Variants in ZNF367 observed in about 807,000 individuals in gnomAD.
ZNF367 encodes the protein zinc finger protein 367.
ZNF367 carries 11 observed loss-of-function variants against 31.8 expected under a neutral mutation model. The observed-to-expected ratio is 0.35, with a 90% CI of 0.22 to 0.57. ZNF367 has a LOEUF of 0.57. Among genes scored for constraint, ZNF367 ranks in the 20% least tolerant of loss-of-function variants. ZNF367 has a pLI of 0.85. For synonymous variants in ZNF367, 199 were observed against 202.4 expected (o/e 0.98, Z 0.14); for missense variants, 353 against 484.1 (o/e 0.73, Z 2.54).
At chr9:96,413,984 T>G (rs1831784447) in intron 1 of ZNF367, among the ~76,000 whole-genome samples, 1 of 152,116 alleles carries the variant, frequency 6.6e-6, no homozygotes, top group African/African-American at 2.4e-5. Flanking sequence ...TCTCCTCTCT[T>G]CCCCAAAAAT....
intron 4 of ZNF367, among the ~76,000 whole-genome samples, chr9:96,390,184 G>A (rs533052969): frequency 1.6e-4 from 24 of 151,498 alleles, no homozygotes; most frequent in Admixed American, 4.6e-4. Flanking sequence ...TTACAGGCGT[G>A]AGCCACCGCA....
At chr9:96,416,854 C>A (rs939102451) in intron 1 of ZNF367, among the ~76,000 whole-genome samples, 2 of 152,198 alleles carry the variant, frequency 1.3e-5, no homozygotes, top group Non-Finnish European at 2.9e-5. Flanking sequence ...AGCAGAAAGT[C>A]ACCCCAAACA....
At chr9:96,390,026 C>T (rs957354825) in intron 4 of ZNF367, among the ~76,000 whole-genome samples, 1 of 151,276 alleles carries the variant, frequency 6.6e-6, no homozygotes, top group Non-Finnish European at 1.5e-5. Context: ...GATCTGCCTG[C>T]CTAGGCCTCC....
chr9:96,403,801 G>T (rs1351284416), intron 1 of ZNF367, among the ~76,000 whole-genome samples: 1 of 152,148 alleles, frequency 6.6e-6, no homozygotes, highest in East Asian at 1.9e-4. Flanking sequence ...GGGATAACTG[G>T]ATTTCCATAT....
intron 1 of ZNF367, among the ~76,000 whole-genome samples, chr9:96,404,490 G>GCA (rs1831647135): frequency 6.6e-6 from 1 of 151,942 alleles, no homozygotes; most frequent in Non-Finnish European, 1.5e-5. Flanking sequence ...CTACTCGGGA[G>GCA]GCTGAGGCAG....
chr9:96,418,285 A>G lies in ZNF367; in HGVS notation c.-253T>C, dbSNP rs1831864573. 6.6e-6 allele frequency: 3 copies of G among 456,446 alleles called. No homozygotes were observed. The allele number at this position is 456,446 out of a possible 1,614,324, so 28.3% of individuals were successfully genotyped here. A position where few individuals can be genotyped will look rare whatever the true frequency, so the allele number is the denominator to read the frequency against. On this transcript the variant is annotated 5_prime_UTR_variant, in exon 1 of 5. Transcript: ENST00000375256. ...CGCAGCGCAGGCTGCAGGGGTGGGA[A>G]GCAGCGGGCGGCCCGGCCCTTGCGG...
chr9:96,402,450 T>TC (rs1386083201), intron 1 of ZNF367, among the ~76,000 whole-genome samples: 12 of 124,126 alleles, frequency 9.7e-5, no homozygotes, highest in African/African-American at 3.8e-4. Flanking sequence ...CTTTCTTTTT[T>TC]TTTTTTTTTT....
intron 1 of ZNF367, 120 bp from the exon 2 acceptor site, chr9:96,398,434 T>C (rs1370895470): frequency 6.3e-6 from 5 of 790,722 alleles, no homozygotes; most frequent in Non-Finnish European, 9.4e-6. Flanking sequence ...CACACACTTA[T>C]AGTCCCAGCT....
intron 1 of ZNF367, among the ~76,000 whole-genome samples, chr9:96,401,657 C>CAA (rs35400858): frequency 0.031 from 2,390 of 77,114 alleles, 86 homozygotes; most frequent in African/African-American, 0.088. Context: ...AGCTCCGTCT[C>CAA]AAAAAAAAAA....
chr9:96,404,387 G>A (rs1260111221), intron 1 of ZNF367, among the ~76,000 whole-genome samples: 1 of 152,152 alleles, frequency 6.6e-6, no homozygotes, highest in Non-Finnish European at 1.5e-5. Context: ...GAGGTCAAGA[G>A]ATCGAGACCA....
At chr9:96,403,222 C>T (rs1420289085) in intron 1 of ZNF367, among the ~76,000 whole-genome samples, 1 of 152,162 alleles carries the variant, frequency 6.6e-6, no homozygotes, top group African/African-American at 2.4e-5. Context: ...CCCGCCTTGG[C>T]CTCCCAAAGT....
chr9:96,415,329 A>C (rs1407002692), intron 1 of ZNF367, among the ~76,000 whole-genome samples: 2 of 150,870 alleles, frequency 1.3e-5, no homozygotes, highest in African/African-American at 4.9e-5. Context: ...GGTGTCCCAA[A>C]GTGCTTGGAT....
rs1831413978 is a variant in ZNF367 at position 96,386,904 on chromosome 9, G to GGGATC, written c.*1332_*1333insGATCC. The GGGATC allele has an allele frequency of 6.6e-6, 1 of 152,106 alleles. No homozygotes were observed. The highest frequency in any genetic ancestry group is 1.5e-5 in the Non-Finnish European group (1 of 68,014). The allele number at this position is 152,106 out of a possible 1,614,324, so 9.4% of individuals were successfully genotyped here. On this transcript the variant is annotated 3_prime_UTR_variant, in exon 5 of 5. Transcript: ENST00000375256. ...CCCATATTTCCCTCTATTACTCTGA[G>GGGATC]TTTTACTCCAATTAAGCGATCTGTA... is the stretch of plus-strand genomic sequence containing the variant.
At chr9:96,408,016 T>TAAATAAAC (rs927395008) in intron 1 of ZNF367, among the ~76,000 whole-genome samples, 1 of 144,978 alleles carries the variant, frequency 6.9e-6, no homozygotes, top group Non-Finnish European at 1.5e-5. Context: ...AATAAATAAA[T>TAAATAAAC]AAACGTTGGA....
At chr9:96,409,863 A>G (rs1009750208) in intron 1 of ZNF367, among the ~76,000 whole-genome samples, 1 of 152,266 alleles carries the variant, frequency 6.6e-6, no homozygotes, top group Non-Finnish European at 1.5e-5. Context: ...GGTTATGGTC[A>G]TATCATGAAT....
In ZNF367 at chr9:96,418,017, C is replaced by T. The variant is rs1349955254; in HGVS notation, c.16G>A (p.Glu6Lys). 4 of 1,383,262 alleles carry T rather than the reference C, an allele frequency of 2.9e-6. No individual in the cohort carries two copies. Among genetic ancestry groups the T allele is most frequent in the Admixed American group, 3.6e-5 (1 of 27,988 alleles). 85.7% of individuals were successfully genotyped at this position (1,383,262 alleles called of 1,614,324 possible). A position where few individuals can be genotyped will look rare whatever the true frequency, so the allele number is the denominator to read the frequency against. ...GGCGGGTTCTCCGCCATGGGCGCCT[C>T]GAAGCCCCGGATCATCGCCCGGCCC... is the stretch of plus-strand genomic sequence containing the variant. MIRGF[E>K]APMAENPPPP... Residue 6 changes from glutamate to lysine, a missense_variant, in exon 1 of 5, where the codon GAG (glutamate) becomes AAG (lysine). By Grantham distance (56) the Glu-to-Lys change is moderately conservative. Around this residue, in one of 5 missense-constraint regions of ZNF367, gnomAD observed 94 missense variants for 86.7 expected, o/e 1.08. Transcript: ENST00000375256.
At chr9:96,404,358 G>A (rs1267286098) in intron 1 of ZNF367, among the ~76,000 whole-genome samples, 1 of 152,156 alleles carries the variant, frequency 6.6e-6, no homozygotes, top group African/African-American at 2.4e-5. Flanking sequence ...ACTTTGAGAG[G>A]CTGAGGCGAG....
At position 96,417,444 on chromosome 9, in the gene ZNF367, C is replaced by CT. The variant is rs1554721845; in HGVS notation, c.420+168_420+169insA. On this transcript the variant is annotated intron_variant, in intron 1 of 4. Coordinates refer to ENST00000375256, the MANE Select transcript of ZNF367 (RefSeq NM_153695.4). The surrounding 1 kb of genome is among the most constrained non-coding windows in gnomAD (Gnocchi z 5.0). ...CCGCCTGTCACGTGACAGGCCCCCC[C>CT]CGACTGGGGCCGGTTTTTGGCGCGC... Among the ~76,000 whole-genome samples, 19 of 150,834 alleles carry CT rather than the reference C, an allele frequency of 1.3e-4. No homozygotes were observed. The highest frequency in any genetic ancestry group is 2.7e-4 in the African/African-American group (11 of 41,054).
chr9:96,397,682 A>G (rs975407106), intron 2 of ZNF367, among the ~76,000 whole-genome samples: 1 of 152,194 alleles, frequency 6.6e-6, no homozygotes, highest in African/African-American at 2.4e-5. Context: ...TCTCCACCAA[A>G]AAGAAACTGA....
Sources: gnomAD v4.1 joint callset for allele counts (sites outside exome capture counted in the v4.1 genomes callset) on GRCh38, gnomAD v4.1.1 for gene constraint, gnomAD v4.1.1 regional missense constraint, Gnocchi (gnomAD v3.1) non-coding constraint, MANE v1.5 for transcripts, NCBI Gene and HGNC (gene_info 2026-07-23, HGNC 2026-07-21) for gene names.